DICER1: variants seen among roughly 807,000 people sequenced by gnomAD.
The protein encoded by DICER1 is dicer 1, ribonuclease III.
Under a neutral mutation model 194.1 loss-of-function variants are expected in DICER1, and 43 were observed. That is an observed-to-expected ratio of 0.22 (90% CI 0.17 to 0.29). The LOEUF (loss-of-function observed/expected upper bound fraction) is 0.29. DICER1 is among the 10% of genes least tolerant of loss of function. DICER1 has a pLI of 1.00. For synonymous variants in DICER1, 832 were observed against 820.5 expected, an observed-to-expected ratio of 1.01 and a Z score of -0.24; for missense variants, 1,608 against 2,317.0, an observed-to-expected ratio of 0.69 and a Z score of 6.28.
chr14:95,105,369 A>G lies in DICER1; in HGVS notation c.3094-123T>C. On this transcript the variant is annotated intron_variant, in intron 19 of 26. Coordinates refer to ENST00000343455, the MANE Select transcript of DICER1 (RefSeq NM_177438.3). This position sits in a 1 kb window ranked among gnomAD's most constrained non-coding sequence, Gnocchi z 4.9. Reference sequence around the variant, plus strand: ...ATGCTAGTAAAACTTAATTTTAAAAAATATTTGTAAAAATAATCCTCTAAG... The same window carrying G: ...ATGCTAGTAAAACTTAATTTTAAAAGATATTTGTAAAAATAATCCTCTAAG... 1 of 944,672 alleles carries G rather than the reference A, an allele frequency of 1.1e-6. No homozygotes were observed. The highest frequency in any genetic ancestry group is 2.7e-4 in the Middle Eastern group (1 of 3,750). 58.5% of individuals were successfully genotyped at this position (944,672 alleles called of 1,614,324 possible).
At chr14:95,111,140 T>C (rs1247343264) in intron 14 of DICER1, among the ~76,000 whole-genome samples, 177 bp downstream of exon 14, 1 of 151,890 alleles carries the variant, frequency 6.6e-6, no homozygotes, top group Non-Finnish European at 1.5e-5. Flanking sequence ...CATTCTACAT[T>C]AGGAAGGAAA....
chr14:95,155,332 T>C (rs1023820077), intron 1 of DICER1, among the ~76,000 whole-genome samples: 11 of 152,144 alleles, frequency 7.2e-5, no homozygotes, highest in Non-Finnish European at 1.2e-4. Context: ...CTACGAAATA[T>C]CTACTTTCTC....
At chr14:95,123,077 C>T (rs1238708540) in intron 8 of DICER1, among the ~76,000 whole-genome samples, 1 of 151,994 alleles carries the variant, frequency 6.6e-6, no homozygotes, top group Non-Finnish European at 1.5e-5. Flanking sequence ...ATTAATGGAT[C>T]TCATAGAAAA....
At chr14:95,135,368 C>T (rs556161970) in intron 1 of DICER1, among the ~76,000 whole-genome samples, 1 of 152,270 alleles carries the variant, frequency 6.6e-6, no homozygotes, top group East Asian at 1.9e-4. Flanking sequence ...GAAAAGAGGG[C>T]CGTGATGTAA....
intron 8 of DICER1, among the ~76,000 whole-genome samples, chr14:95,119,525 T>C (rs61662226): frequency 0.035 from 5,353 of 152,292 alleles, 342 homozygotes; most frequent in African/African-American, 0.12. Flanking sequence ...TCCCAGAGGA[T>C]AATGGACAGT....
chr14:95,105,829 A>AC lies in DICER1; in HGVS notation c.2988-47dup. On this transcript the variant is annotated intron_variant, in intron 18 of 26. Coordinates refer to ENST00000343455, the MANE Select transcript of DICER1 (RefSeq NM_177438.3). This position sits in a 1 kb window ranked among gnomAD's most constrained non-coding sequence, Gnocchi z 4.9. ...TTTTATCAAACACACAAAAATGAGT[A>AC]CATATTCACAGTGGTTCTCCAAAAA... The AC allele has an allele frequency of 6.5e-7, 1 of 1,542,156 alleles. No homozygotes were observed. The highest frequency in any genetic ancestry group is 9.0e-7 in the Non-Finnish European group (1 of 1,115,256).
At chr14:95,129,199 T>C (rs1893734624) in intron 6 of DICER1, 1 of 389,494 alleles carries the variant, frequency 2.6e-6, no homozygotes, top group East Asian at 4.3e-5. Context: ...ACTGTCAAAG[T>C]TCCCAGTCCT....
In DICER1 at chr14:95,101,100, C is replaced by T. The variant is rs140319587; in HGVS notation, c.4051-1165G>A. Among the ~76,000 whole-genome samples, 11 of 152,260 alleles carry T rather than the reference C, an allele frequency of 7.2e-5. No homozygotes were observed. In the South Asian group the frequency reaches 2.1e-3, roughly 29 times the overall value. On this transcript the variant is annotated intron_variant, in intron 21 of 26. Coordinates refer to ENST00000343455, the MANE Select transcript of DICER1 (RefSeq NM_177438.3). ...GGATGAAGAAAGAGCTACGTAAGGT[C>T]TCAAATATGGGGCAAAATTCTGGAC...
chr14:95,086,637 T>A lies in DICER1; in HGVS notation c.*3861A>T, dbSNP rs181818005. ...GTAATGATTAAAATATATTTACAAG[T>A]TAGTTGTGAAAAATCATTTTCACTG... On this transcript the variant is annotated 3_prime_UTR_variant, in exon 27 of 27. Coordinates refer to ENST00000343455, the MANE Select transcript of DICER1 (RefSeq NM_177438.3). The A allele has an allele frequency of 4.3e-6, 1 of 233,328 alleles. No homozygotes were observed. The highest frequency in any genetic ancestry group is 6.1e-5 in the East Asian group (1 of 16,460). 14.5% of individuals were successfully genotyped at this position (233,328 alleles called of 1,614,324 possible). A position where few individuals can be genotyped will look rare whatever the true frequency, so the allele number is the denominator to read the frequency against.
chr14:95,110,607 T>C (rs1341894161), intron 14 of DICER1, among the ~76,000 whole-genome samples: 4 of 152,170 alleles, frequency 2.6e-5, no homozygotes. Context: ...CTGTGGGTCT[T>C]GGAACATACC....
In DICER1 at chr14:95,124,489, C is replaced by T. The variant is rs1893226253; in HGVS notation, c.1083G>A (p.Glu361=). The T allele has an allele frequency of 1.9e-6, 3 of 1,613,980 alleles. No homozygotes were observed. The highest frequency in any genetic ancestry group is 1.3e-5 in the African/African-American group (1 of 74,904). Residue 361 remains glutamate, a synonymous_variant, in exon 8 of 27, where the codon GAG becomes GAA. Transcript: ENST00000343455. The surrounding 1 kb of genome is among the most constrained non-coding windows in gnomAD (Gnocchi z 4.5). ...FLRKIHALCE[E]HFSPASLDLK... Reference sequence around the variant, plus strand: ...GGTCAAGTGAGGCAGGTGAGAAGTGCTCTTCACATAGTGCATGTATTTTCC... The same window carrying T: ...GGTCAAGTGAGGCAGGTGAGAAGTGTTCTTCACATAGTGCATGTATTTTCC...
rs555663520 is a variant in DICER1 at position 95,117,230 on chromosome 14, G to A, written c.1509+392C>T. Among the ~76,000 whole-genome samples, 201 of 150,732 alleles carry A rather than the reference G, an allele frequency of 1.3e-3. 1 individual carries two copies. The highest frequency in any genetic ancestry group is 4.6e-3 in the African/African-American group (190 of 41,058). On this transcript the variant is annotated intron_variant, in intron 9 of 26. Transcript: ENST00000343455. ...TTTTTTTAAGAATTGAAACAAAATA[G>A]GCCTTTAAATGAAAAAAAGAAAACA...
chr14:95,133,262 A>C lies in DICER1; in HGVS notation c.144+53T>G. 9 of 1,588,322 alleles carry C rather than the reference A, an allele frequency of 5.7e-6. 1 individual carries two copies. The South Asian group carries it at 1.0e-4, about 18-fold the overall frequency. On this transcript the variant is annotated intron_variant, in intron 2 of 26. Coordinates refer to ENST00000343455, the MANE Select transcript of DICER1 (RefSeq NM_177438.3). The stretch of plus-strand genomic sequence containing the variant: ...ATATAAGTTGTGTCAACTATATGCT[A>C]ATGTATTCCATTTTAGTGTAGAATG...
In DICER1 at chr14:95,108,076, C is replaced by T. The variant is rs1225486613; in HGVS notation, c.2454G>A (p.Val818=). ...TGGTAACCTCTCCAGAGCGTGTGTA[C>T]ACAGGAAAGTGTGGAATCTTAGCAA... ...KPIPQIPHFP[V]YTRSGEVTIS... is the part of the protein sequence containing the mutation. Residue 818 remains valine, a synonymous_variant, in exon 16 of 27, where the codon GTG becomes GTA. Transcript: ENST00000343455. The T allele has an allele frequency of 1.2e-6, 2 of 1,613,252 alleles. No homozygotes were observed. Among genetic ancestry groups the T allele is most frequent in the Admixed American group, 1.7e-5 (1 of 60,014 alleles).
intron 11 of DICER1, among the ~76,000 whole-genome samples, 163 bp from the exon 12 acceptor site, chr14:95,113,387 GTGT>G (rs1892157090): frequency 6.6e-6 from 1 of 152,234 alleles, no homozygotes; most frequent in African/African-American, 2.4e-5. Context: ...AGACAGAATA[GTGT>G]TGTCTAACAG....
intron 8 of DICER1, among the ~76,000 whole-genome samples, chr14:95,122,192 T>C (rs1048799796): frequency 2.0e-5 from 3 of 152,176 alleles, no homozygotes; most frequent in Non-Finnish European, 4.4e-5. Context: ...TTAAAGTCAA[T>C]AGGAAGTAAC....
At position 95,131,708 on chromosome 14, in the gene DICER1, T is replaced by C. The variant is rs544571286; in HGVS notation, c.308-69A>G. Reference sequence around the variant, plus strand: ...CCTAGTTGGCTCTCTGGACTACTAATGATTAACAGTCTACAGAAATCCTTA... The same window carrying C: ...CCTAGTTGGCTCTCTGGACTACTAACGATTAACAGTCTACAGAAATCCTTA... On this transcript the variant is annotated intron_variant, in intron 3 of 26. Coordinates refer to ENST00000343455, the MANE Select transcript of DICER1 (RefSeq NM_177438.3). 2.1e-5 allele frequency: 28 copies of C among 1,304,646 alleles called. No individual in the cohort carries two copies. In the Middle Eastern group the frequency reaches 5.5e-4, roughly 26 times the overall value. 80.8% of individuals were successfully genotyped at this position (1,304,646 alleles called of 1,614,324 possible).
At chr14:95,138,263 T>C (rs1039682254) in intron 1 of DICER1, among the ~76,000 whole-genome samples, 1 of 150,302 alleles carries the variant, frequency 6.7e-6, no homozygotes, top group Non-Finnish European at 1.5e-5. Context: ...CCTAAAACTT[T>C]CACAGGGTTT....
At chr14:95,150,514 G>A (rs1361967831) in intron 1 of DICER1, among the ~76,000 whole-genome samples, 3 of 152,120 alleles carry the variant, frequency 2.0e-5, no homozygotes, top group Non-Finnish European at 4.4e-5. Context: ...ATCGTATTTT[G>A]TTAGGTTTAA....
Sources: allele counts gnomAD v4.1 joint callset (sites outside exome capture counted in the v4.1 genomes callset), GRCh38; gene constraint gnomAD v4.1.1; non-coding constraint Gnocchi (gnomAD v3.1); transcripts MANE v1.5; gene names NCBI Gene and HGNC (gene_info 2026-07-23, HGNC 2026-07-21).